Variants in DNAH12 observed in about 807,000 individuals in gnomAD.
DNAH12 encodes the protein axonemal beta dynein heavy chain 12.
DNAH12 carries 285 observed loss-of-function variants against 371.5 expected under a neutral mutation model. The observed-to-expected ratio is 0.77, with a 90% CI of 0.70 to 0.85. The LOEUF (loss-of-function observed/expected upper bound fraction) is 0.85, where lower values mean the gene tolerates loss of function less well. Among genes scored for constraint, DNAH12 ranks in the 40% least tolerant of loss-of-function variants. The probability of loss-of-function intolerance (pLI) is 0.00; values close to 1 mark genes in which losing one functional copy is unlikely to be tolerated. For missense variants in DNAH12, 3,611 were observed against 3,689.4 expected (o/e 0.98, Z 0.55); for synonymous variants, 1,200 against 1,213.0 (o/e 0.99, Z 0.22).
chr3:57,355,474 G>C (rs957551447), intron 59 of DNAH12, among the ~76,000 whole-genome samples: 1 of 146,580 alleles, frequency 6.8e-6, no homozygotes, highest in African/African-American at 2.4e-5. Context: ...GTTGAATATA[G>C]CATTTTATGC....
chr3:57,410,073 T>C (rs956224811), intron 39 of DNAH12, among the ~76,000 whole-genome samples: 6 of 152,230 alleles, frequency 3.9e-5, no homozygotes, highest in African/African-American at 1.4e-4. Flanking sequence ...TTGAAGGATG[T>C]AATCTGTAAA....
At chr3:57,482,871 A>G (rs2066793698) in intron 13 of DNAH12, among the ~76,000 whole-genome samples, 1 of 140,706 alleles carries the variant, frequency 7.1e-6, no homozygotes. Context: ...GAATTGAACA[A>G]TGAGAACACA....
intron 72 of DNAH12, 136 bp from the exon 73 acceptor site, chr3:57,295,728 A>C: frequency 1.4e-6 from 1 of 703,340 alleles, no homozygotes; most frequent in Non-Finnish European, 2.2e-6. Flanking sequence ...AAAAAAGAAA[A>C]TGAGAAAATG....
rs1465783377 is a variant in DNAH12 at position 57,459,603 on chromosome 3, T to C, written c.2920A>G (p.Lys974Glu). 5.4e-6 allele frequency: 8 copies of C among 1,494,124 alleles called. No individual in the cohort carries two copies. In the East Asian group the frequency reaches 2.0e-4, roughly 38 times the overall value. The allele number at this position is 1,494,124 out of a possible 1,614,324, so 92.6% of individuals were successfully genotyped here. ...AACAAACACTTCACCTTTGGATCTT[T>C]AGCACAAAACTTCATGATATCTCTC... ...HWRDIMKFCA[K>E]DPKVLAATSL... Residue 974 changes from lysine to glutamate, a missense_variant, in exon 20 of 74, where the codon AAA (lysine) becomes GAA (glutamate). Transcript: ENST00000495027.
intron 2 of DNAH12, 49 bp from the exon 3 acceptor site, chr3:57,523,933 G>C: frequency 7.5e-7 from 1 of 1,324,874 alleles, no homozygotes; most frequent in East Asian, 2.4e-5. Context: ...ATTAGCATAA[G>C]TTACTAAAAC....
intron 58 of DNAH12, among the ~76,000 whole-genome samples, chr3:57,359,937 A>G (rs1461151847): frequency 6.6e-6 from 1 of 152,222 alleles, no homozygotes; most frequent in Non-Finnish European, 1.5e-5. Flanking sequence ...CTCAAACCAT[A>G]TAATGAATTT....
intron 45 of DNAH12, among the ~76,000 whole-genome samples, chr3:57,390,420 A>ATATATATATATATATATATAT (rs1294811064): frequency 3.3e-5 from 1 of 30,050 alleles, no homozygotes; most frequent in African/African-American, 6.3e-5. Context: ...AAAAAAAAAA[A>ATATATATATATATATATATAT]AAAAATATAT....
chr3:57,511,996 T>C (rs561755738), intron 4 of DNAH12, among the ~76,000 whole-genome samples: 2 of 152,026 alleles, frequency 1.3e-5, no homozygotes, highest in Admixed American at 6.6e-5. Context: ...AACTTGAGTA[T>C]AGGAAAAACC....
At position 57,458,121 on chromosome 3, in the gene DNAH12, T is replaced by C. The variant is rs762500898; in HGVS notation, c.3031A>G (p.Lys1011Glu). ...TACCGAGGGAAGAAAAGACGTTTCT[T>C]TTCAAGATATGCGTTAAGACCTTTC... is the stretch of plus-strand genomic sequence containing the variant. ...IMKGLNAYLEKKRLFFPRFFF... is the reference protein window; with the variant it reads ...IMKGLNAYLEEKRLFFPRFFF... Residue 1011 changes from lysine (K) to glutamate (E), a missense_variant, in exon 21 of 74, where the codon AAG becomes GAG. Physicochemically the swap from Lys to Glu is moderately conservative, Grantham distance 56. This residue lies in a region of DNAH12 where 1,314 missense variants were observed against 1,398.7 expected (regional missense o/e 0.94). Coordinates refer to ENST00000495027, the MANE Select transcript of DNAH12 (RefSeq NM_001366028.2). The C allele has an allele frequency of 9.1e-6, 14 of 1,546,142 alleles. No homozygotes were observed. The highest frequency in any genetic ancestry group is 1.2e-5 in the South Asian group (1 of 82,178).
At chr3:57,430,416 G>T (rs998164153) in intron 32 of DNAH12, among the ~76,000 whole-genome samples, 2 of 152,048 alleles carry the variant, frequency 1.3e-5, no homozygotes, top group Non-Finnish European at 2.9e-5. Context: ...AATTTCCTCA[G>T]TTGTACCAGA....
intron 51 of DNAH12, among the ~76,000 whole-genome samples, 156 bp from the exon 52 acceptor site, chr3:57,379,454 A>G (rs1559600470): frequency 6.6e-6 from 1 of 152,212 alleles, no homozygotes; most frequent in East Asian, 1.9e-4. Context: ...AAATAAGCAT[A>G]ATTGTAGCAG....
intron 63 of DNAH12, 103 bp from the exon 64 acceptor site, chr3:57,323,363 C>T: frequency 1.4e-6 from 2 of 1,471,032 alleles, no homozygotes; most frequent in South Asian, 1.4e-5. Flanking sequence ...TTACGTTTCT[C>T]TGTAAATATC....
chr3:57,325,255 G>C (rs532318647), intron 62 of DNAH12, among the ~76,000 whole-genome samples: 1 of 152,190 alleles, frequency 6.6e-6, no homozygotes, highest in African/African-American at 2.4e-5. Context: ...TCTGAGAACG[G>C]GCAGACTGCC....
At chr3:57,465,259 T>G (rs569640218) in intron 17 of DNAH12, among the ~76,000 whole-genome samples, 98 of 152,172 alleles carry the variant, frequency 6.4e-4, no homozygotes, top group South Asian at 2.1e-3. Context: ...AAAATATATA[T>G]ATAGAGAGAG....
chr3:57,459,241 TTC>T (rs1250652934), intron 20 of DNAH12, among the ~76,000 whole-genome samples: 1 of 152,160 alleles, frequency 6.6e-6, no homozygotes, highest in African/African-American at 2.4e-5. Context: ...ACACTATTCA[TTC>T]TCTCTCCCTC....
In DNAH12 at chr3:57,293,729, G is replaced by T; in HGVS notation, c.*52C>A. 6.9e-7 allele frequency: 1 copy of T among 1,441,552 alleles called. No homozygotes were observed. The allele number at this position is 1,441,552 out of a possible 1,614,324, so 89.3% of individuals were successfully genotyped here. A position where few individuals can be genotyped will look rare whatever the true frequency, so the allele number is the denominator to read the frequency against. On this transcript the variant is annotated 3_prime_UTR_variant, in exon 74 of 74. Coordinates refer to ENST00000495027, the MANE Select transcript of DNAH12 (RefSeq NM_001366028.2). ...TTTTATAATGTATATATTTTAAGTAGGACAGGTTTTTTTTTTTTTAAACTT... is the reference window on the plus strand; with the variant it reads ...TTTTATAATGTATATATTTTAAGTATGACAGGTTTTTTTTTTTTTAAACTT...
chr3:57,510,532 C>T lies in DNAH12; in HGVS notation c.469+258G>A, dbSNP rs566082897. Among the ~76,000 whole-genome samples, 7 of 151,656 alleles carry T rather than the reference C, an allele frequency of 4.6e-5. No homozygotes were observed. In the East Asian group the frequency reaches 7.8e-4, roughly 17 times the overall value. The stretch of plus-strand genomic sequence containing the variant: ...GTGTGTGCCTGAAGTTCCAGGTACT[C>T]GGGAGGCTGAGGTAGGGGAATCGCT... On this transcript the variant is annotated intron_variant, in intron 5 of 73. Transcript: ENST00000495027.
the DNAH12 span, among the ~76,000 whole-genome samples, chr3:57,554,336 A>C: frequency 6.6e-6 from 1 of 151,760 alleles, no homozygotes; most frequent in Non-Finnish European, 1.5e-5. Context: ...TGACAATTAC[A>C]GTATCAAACA....
intron 39 of DNAH12, among the ~76,000 whole-genome samples, chr3:57,410,548 G>C (rs1249868159): frequency 6.6e-6 from 1 of 152,094 alleles, no homozygotes; most frequent in East Asian, 1.9e-4. Context: ...GCCGGGTGTG[G>C]TGGCTCATAC....
Sources: gnomAD v4.1 joint callset for allele counts (sites outside exome capture counted in the v4.1 genomes callset) on GRCh38, gnomAD v4.1.1 for gene constraint, gnomAD v4.1.1 regional missense constraint, MANE v1.5 for transcripts, NCBI Gene and HGNC (gene_info 2026-07-23, HGNC 2026-07-21) for gene names.